The following RERE variants were observed in gnomAD, a reference collection of about 807,000 sequenced individuals.
RERE encodes the protein arginine-glutamic acid dipeptide repeats protein.
A neutral mutation model predicts 146.1 loss-of-function variants in RERE; 40 were observed. The observed-to-expected ratio is 0.27, with a 90% CI of 0.21 to 0.36. The LOEUF is 0.36. Among genes scored for constraint, RERE ranks in the 10% least tolerant of loss-of-function variants. The probability of loss-of-function intolerance (pLI) is 1.00; values close to 1 mark genes in which losing one functional copy is unlikely to be tolerated. For missense variants in RERE, 1,933 were observed against 2,138.7 expected, an observed-to-expected ratio of 0.90 and a Z score of 1.90; for synonymous variants, 1,003 against 866.0, an observed-to-expected ratio of 1.16 and a Z score of -2.78.
intron 12 of RERE, among the ~76,000 whole-genome samples, chr1:8,392,710 G>A (rs1352415974): frequency 1.3e-5 from 2 of 152,092 alleles, no homozygotes; most frequent in Admixed American, 6.5e-5. Context: ...CATCTGTTAC[G>A]CCAGCACACC....
chr1:8,396,006 A>G (rs768744222), intron 12 of RERE, among the ~76,000 whole-genome samples: 1 of 152,228 alleles, frequency 6.6e-6, no homozygotes, highest in Non-Finnish European at 1.5e-5. Flanking sequence ...CAGCCATTCC[A>G]TTAACTACCC....
At chr1:8,599,706 G>C (rs115796695) in intron 4 of RERE, among the ~76,000 whole-genome samples, 3 of 152,084 alleles carry the variant, frequency 2.0e-5, no homozygotes, top group African/African-American at 7.3e-5. Context: ...TGTAAGAAGG[G>C]CTCTTTTTAA....
At chr1:8,552,227 C>G (rs1452271717) in intron 6 of RERE, among the ~76,000 whole-genome samples, 1 of 152,086 alleles carries the variant, frequency 6.6e-6, no homozygotes, top group African/African-American at 2.4e-5. Flanking sequence ...AAGGATAAAG[C>G]TCTCTCTCCT....
intron 1 of RERE, among the ~76,000 whole-genome samples, chr1:8,669,001 A>T (rs1475137393): frequency 1.4e-4 from 4 of 27,824 alleles, no homozygotes; most frequent in Admixed American, 4.1e-4. Context: ...GTCTTCTGTG[A>T]ATATTCTAAA....
Position 8,665,090 on chromosome 1 carries a change from C to T in RERE, c.-144-8649G>A, listed in dbSNP as rs1259808594. ...CTCCCTCAGTTCCCAGAACACACCA[C>T]ACTCCTTCCTACCCAGAGTCCTTTG... On this transcript the variant is annotated intron_variant, in intron 1 of 22. Coordinates refer to ENST00000400908, the MANE Select transcript of RERE (RefSeq NM_001042681.2). Among the ~76,000 whole-genome samples, 5 of 152,202 alleles carry T rather than the reference C, an allele frequency of 3.3e-5. No individual in the cohort carries two copies. In the South Asian group the frequency reaches 8.3e-4, roughly 25 times the overall value.
chr1:8,816,260 CT>C (rs1641909212), intron 1 of RERE, among the ~76,000 whole-genome samples: 1 of 147,240 alleles, frequency 6.8e-6, no homozygotes, highest in Non-Finnish European at 1.5e-5. Context: ...TAAAAATTCG[CT>C]GTGAAGAAGG....
At position 8,651,407 on chromosome 1, in the gene RERE, G is replaced by GT. The variant is rs201905328; in HGVS notation, c.325+4565dup. Among the ~76,000 whole-genome samples, 521 of 151,436 alleles carry GT rather than the reference G, an allele frequency of 3.4e-3. 3 individuals carry two copies. The highest frequency in any genetic ancestry group is 4.9e-3 in the Non-Finnish European group (332 of 67,774). On this transcript the variant is annotated intron_variant, in intron 2 of 22. Transcript: ENST00000400908. ...TCTGAGCGACAGAGTGAGACTCTCTGTTTTTTTTTAAGCTAGTAATCCATT... is the reference window on the plus strand; with the variant it reads ...TCTGAGCGACAGAGTGAGACTCTCTGTTTTTTTTTTAAGCTAGTAATCCATT...
intron 2 of RERE, among the ~76,000 whole-genome samples, chr1:8,626,304 G>T (rs1197419653): frequency 6.6e-6 from 1 of 152,124 alleles, no homozygotes; most frequent in African/African-American, 2.4e-5. Context: ...CAGCATTTCA[G>T]ATCTCTAGTT....
intron 1 of RERE, among the ~76,000 whole-genome samples, chr1:8,721,272 G>C (rs1470578423): frequency 2.0e-5 from 3 of 152,122 alleles, no homozygotes; most frequent in Non-Finnish European, 4.4e-5. Context: ...AAATGGAAGA[G>C]TTGAACCGAA....
rs745557455 is a variant in RERE at position 8,355,463 on chromosome 1, G to C, written c.4623C>G (p.Pro1541=). 1.4e-5 allele frequency: 23 copies of C among 1,612,888 alleles called. No individual in the cohort carries two copies. Among genetic ancestry groups the C allele is most frequent in the Non-Finnish European group, 1.9e-5 (22 of 1,180,006 alleles). The change falls in exon 22 of 23, where the codon CCC becomes CCG. Residue 1541 remains proline (P), a synonymous_variant. Transcript: ENST00000400908. The part of the protein sequence containing the change: ...AMEQQWLHGH[P]HMHGGHLPSQ... ...TTGGTAGGTGGCCACCATGCATGTGGGGGTGTCCATGCAGCCACTGCTGCT... is the reference window on the plus strand; with the variant it reads ...TTGGTAGGTGGCCACCATGCATGTGCGGGTGTCCATGCAGCCACTGCTGCT...
At chr1:8,732,949 G>A (rs1334189886) in intron 1 of RERE, among the ~76,000 whole-genome samples, 1 of 149,536 alleles carries the variant, frequency 6.7e-6, no homozygotes, top group Non-Finnish European at 1.5e-5. Context: ...AGCCTCCCGA[G>A]TAGCTGGGAC....
chr1:8,497,581 G>C (rs755241535), intron 8 of RERE, 52 bp from the exon 9 acceptor site: 2 of 1,599,614 alleles, frequency 1.3e-6, no homozygotes, highest in Middle Eastern at 1.7e-4. Flanking sequence ...TAATTATAAA[G>C]AGCTATCTCA....
chr1:8,536,036 G>A (rs1199754691), intron 7 of RERE, among the ~76,000 whole-genome samples: 1 of 150,308 alleles, frequency 6.7e-6, no homozygotes, highest in Non-Finnish European at 1.5e-5. Context: ...AACCCGGGAG[G>A]TGGAGGTTGC....
chr1:8,442,622 G>GC (rs1433951926), intron 11 of RERE, among the ~76,000 whole-genome samples: 1 of 152,116 alleles, frequency 6.6e-6, no homozygotes, highest in Non-Finnish European at 1.5e-5. Flanking sequence ...TTATAGCAAT[G>GC]CAAGAATGGC....
intron 1 of RERE, among the ~76,000 whole-genome samples, chr1:8,727,784 G>C (rs1640001331): frequency 6.6e-6 from 1 of 152,146 alleles, no homozygotes; most frequent in Admixed American, 6.5e-5. Flanking sequence ...GAGCCACTGA[G>C]CCCGGCCAAT....
chr1:8,452,899 T>A (rs1235911203), intron 11 of RERE, among the ~76,000 whole-genome samples: 1 of 152,190 alleles, frequency 6.6e-6, no homozygotes, highest in East Asian at 1.9e-4. Flanking sequence ...CACATGCCCA[T>A]CTTCGTAACG....
intron 1 of RERE, among the ~76,000 whole-genome samples, 194 bp from the exon 2 acceptor site, chr1:8,656,635 C>T (rs180952574): frequency 1.3e-5 from 2 of 152,230 alleles, no homozygotes; most frequent in Non-Finnish European, 2.9e-5. Context: ...TTTTTTATGA[C>T]ACCAATAATA....
intron 1 of RERE, among the ~76,000 whole-genome samples, chr1:8,758,335 C>G (rs1640686149): frequency 6.6e-6 from 1 of 151,752 alleles, no homozygotes; most frequent in Non-Finnish European, 1.5e-5. Flanking sequence ...ACCCACCCAG[C>G]CACCCAAAGT....
chr1:8,404,405 G>A (rs1295404683), intron 12 of RERE, among the ~76,000 whole-genome samples: 1 of 151,686 alleles, frequency 6.6e-6, no homozygotes, highest in African/African-American at 2.4e-5. Flanking sequence ...GCGACATAGT[G>A]AGACTCTGTC....
Sources: gnomAD v4.1 joint callset for allele counts (sites outside exome capture counted in the v4.1 genomes callset) on GRCh38, gnomAD v4.1.1 for gene constraint, MANE v1.5 for transcripts, NCBI Gene and HGNC (gene_info 2026-07-23, HGNC 2026-07-21) for gene names.